Variants in GFRA1 observed in about 807,000 individuals in gnomAD.
GFRA1 encodes the protein GDNF family receptor alpha 1.
A neutral mutation model predicts 51.6 loss-of-function variants in GFRA1; 16 were observed. The ratio of observed to expected loss-of-function variants is 0.31; its 90% CI spans 0.21 to 0.47. GFRA1 has a LOEUF of 0.47. GFRA1 is among the 20% of genes least tolerant of loss of function. The probability of loss-of-function intolerance (pLI) is 1.00; values close to 1 mark genes in which losing one functional copy is unlikely to be tolerated. For synonymous variants in GFRA1, 270 were observed against 241.3 expected (o/e 1.12, Z -1.10); for missense variants, 530 against 594.3 (o/e 0.89, Z 1.13).
intron 6 of GFRA1, among the ~76,000 whole-genome samples, chr10:116,098,464 T>C (rs1171751209): frequency 6.6e-6 from 1 of 152,224 alleles, no homozygotes; most frequent in Non-Finnish European, 1.5e-5. Flanking sequence ...TCCAATGGCA[T>C]CCAGCTTGGA....
intron 6 of GFRA1, among the ~76,000 whole-genome samples, chr10:116,101,287 G>C (rs1488281323): frequency 6.6e-6 from 1 of 152,154 alleles, no homozygotes; most frequent in Non-Finnish European, 1.5e-5. Context: ...TCCTCAACTG[G>C]ATTTCTTCTG....
chr10:116,194,686 C>T (rs567015860), intron 5 of GFRA1, among the ~76,000 whole-genome samples: 15 of 152,194 alleles, frequency 9.9e-5, no homozygotes, highest in African/African-American at 3.6e-4. Flanking sequence ...CTGATTCACA[C>T]ATAGCAGGAC....
chr10:116,087,462 CTT>C (rs2133862444), intron 9 of GFRA1, among the ~76,000 whole-genome samples: 1 of 152,336 alleles, frequency 6.6e-6, no homozygotes, highest in South Asian at 2.1e-4. Flanking sequence ...GACAAGGCAA[CTT>C]TTGTTTTTGA....
In GFRA1 at chr10:116,193,158, GA is replaced by G. The variant is rs201696602; in HGVS notation, c.433+18472del. Among the ~76,000 whole-genome samples, 33 of 152,202 alleles carry G rather than the reference GA, an allele frequency of 2.2e-4. 1 individual carries two copies. In the East Asian group the frequency reaches 5.8e-3, roughly 27 times the overall value. On this transcript the variant is annotated intron_variant, in intron 5 of 10. Transcript: ENST00000355422. ...GCCTCAAGATTACAAAATAAAAATA[GA>G]TTTTTTTTATTATTGAGGCATTTTA...
intron 9 of GFRA1, among the ~76,000 whole-genome samples, chr10:116,086,527 G>T (rs1266321558): frequency 6.6e-6 from 1 of 152,186 alleles, no homozygotes; most frequent in African/African-American, 2.4e-5. Context: ...GGTCTGAAAT[G>T]GGCTTGGCTG....
intron 9 of GFRA1, among the ~76,000 whole-genome samples, chr10:116,076,070 G>C (rs1033526096): frequency 6.6e-6 from 1 of 151,828 alleles, no homozygotes; most frequent in Non-Finnish European, 1.5e-5. Context: ...AGTGAGTGTC[G>C]GACTGGAGCA....
intron 8 of GFRA1, among the ~76,000 whole-genome samples, chr10:116,090,625 T>C (rs918294114): frequency 2.0e-5 from 3 of 152,168 alleles, no homozygotes; most frequent in African/African-American, 4.8e-5. Flanking sequence ...TAGGATTAGA[T>C]TGTTTTTATG....
chr10:116,214,085 A>G (rs12413355), intron 4 of GFRA1, among the ~76,000 whole-genome samples: 116,483 of 151,872 alleles, frequency 0.77, 44,703 homozygotes, highest in East Asian at 0.84. Context: ...AGAACCGTGT[A>G]CAGCTCCCTA....
intron 4 of GFRA1, among the ~76,000 whole-genome samples, chr10:116,236,373 T>C (rs1209404990): frequency 6.6e-6 from 1 of 152,112 alleles, no homozygotes; most frequent in Non-Finnish European, 1.5e-5. Context: ...TTCCCCTCTA[T>C]GCTCAAAAAG....
intron 6 of GFRA1, among the ~76,000 whole-genome samples, chr10:116,107,773 T>C (rs758810233): frequency 5.3e-5 from 8 of 151,590 alleles, no homozygotes; most frequent in Non-Finnish European, 1.2e-4. Context: ...TGAACTCTAA[T>C]GAGCTTAGGA....
At chr10:116,253,036 A>C (rs1316018372) in intron 4 of GFRA1, among the ~76,000 whole-genome samples, 1 of 152,226 alleles carries the variant, frequency 6.6e-6, no homozygotes, top group Non-Finnish European at 1.5e-5. Flanking sequence ...AGAGAAGGCA[A>C]GTTCAATACA....
At position 116,155,884 on chromosome 10, in the gene GFRA1, A is replaced by G. The variant is rs1219767307; in HGVS notation, c.434-30327T>C. ...CCAACTCTGCTTTATGAATCTGGCT[A>G]GTAAGGGAGGGAGAAGCCCTCTCCT... On this transcript the variant is annotated intron_variant, in intron 5 of 10. Transcript: ENST00000355422. 3.3e-5 allele frequency among the ~76,000 whole-genome samples: 5 copies of G among 152,314 alleles called. No individual in the cohort carries two copies. The East Asian group carries it at 9.7e-4, about 29-fold the overall frequency.
chr10:116,082,552 C>T (rs1260707223), intron 9 of GFRA1, among the ~76,000 whole-genome samples: 1 of 151,982 alleles, frequency 6.6e-6, no homozygotes, highest in Non-Finnish European at 1.5e-5. Flanking sequence ...GCGATCTTGG[C>T]TCACCACAAC....
chr10:116,109,077 G>A (rs1418100884), intron 6 of GFRA1, among the ~76,000 whole-genome samples: 1 of 152,138 alleles, frequency 6.6e-6, no homozygotes, highest in African/African-American at 2.4e-5. Context: ...ACTGTGCCCA[G>A]TGCTTTCAAA....
chr10:116,141,865 TA>T, intron 5 of GFRA1, among the ~76,000 whole-genome samples: 1 of 152,114 alleles, frequency 6.6e-6, no homozygotes, highest in Non-Finnish European at 1.5e-5. Flanking sequence ...ATTACAGGCA[TA>T]AGCCACCATA....
In GFRA1 at chr10:116,061,133, C is replaced by T. The variant is rs1220944555; in HGVS notation, c.*3265G>A. The T allele has an allele frequency of 5.3e-5, 8 of 151,522 alleles. No homozygotes were observed. In the East Asian group the frequency reaches 1.6e-3, roughly 30 times the overall value. The allele number at this position is 151,522 out of a possible 1,614,324, so 9.4% of individuals were successfully genotyped here. A position where few individuals can be genotyped will look rare whatever the true frequency, so the allele number is the denominator to read the frequency against. On this transcript the variant is annotated 3_prime_UTR_variant, in exon 11 of 11. Transcript: ENST00000355422. ...AGAGTGTATGCAAGACAGGAAGTGT[C>T]TGAATATGGACCAAATCAAAGGCTG...
intron 4 of GFRA1, among the ~76,000 whole-genome samples, chr10:116,250,170 GA>G (rs1452068961): frequency 2.0e-5 from 3 of 152,198 alleles, no homozygotes; most frequent in African/African-American, 7.2e-5. Flanking sequence ...GATGAGGCCA[GA>G]AAAGTGGGCA....
intron 5 of GFRA1, among the ~76,000 whole-genome samples, chr10:116,151,805 T>C (rs1959075281): frequency 6.6e-6 from 1 of 152,174 alleles, no homozygotes; most frequent in Non-Finnish European, 1.5e-5. Context: ...AAATAAGGCA[T>C]ACAGTTTAGA....
chr10:116,059,142 C>T lies in GFRA1; in HGVS notation c.*5256G>A, dbSNP rs189104185. 5 of 152,350 alleles carry T rather than the reference C, an allele frequency of 3.3e-5. No individual in the cohort carries two copies. Among genetic ancestry groups the T allele is most frequent in the Admixed American group, 2.6e-4 (4 of 15,314 alleles). 9.4% of individuals were successfully genotyped at this position (152,350 alleles called of 1,614,324 possible). On this transcript the variant is annotated 3_prime_UTR_variant, in exon 11 of 11. Transcript: ENST00000355422. Reference sequence around the variant, plus strand: ...CAGCTCAATGCCAGGAATACGATGCCAATAGGCCAGTTCTTGCTACCGTAT... The same window carrying T: ...CAGCTCAATGCCAGGAATACGATGCTAATAGGCCAGTTCTTGCTACCGTAT...
Sources: allele counts gnomAD v4.1 joint callset (sites outside exome capture counted in the v4.1 genomes callset), GRCh38; gene constraint gnomAD v4.1.1; transcripts MANE v1.5; gene names NCBI Gene and HGNC (gene_info 2026-07-23, HGNC 2026-07-21).